The following HAPLN1 variants were observed in gnomAD, a reference collection of about 807,000 sequenced individuals.
HAPLN1 encodes Cartilage link protein.
Under a neutral mutation model 36.5 loss-of-function variants are expected in HAPLN1, and 13 were observed. The observed-to-expected ratio is 0.36, with a 90% CI of 0.23 to 0.57. HAPLN1 has a LOEUF of 0.57. Among genes scored for constraint, HAPLN1 ranks in the 20% least tolerant of loss-of-function variants. The pLI is 0.83. For missense variants in HAPLN1, 407 were observed against 439.7 expected (o/e 0.93, Z 0.66); for synonymous variants, 202 against 169.8 (o/e 1.19, Z -1.48).
intron 2 of HAPLN1, among the ~76,000 whole-genome samples, chr5:83,661,120 G>A (rs1286842061): frequency 6.6e-6 from 1 of 152,098 alleles, no homozygotes; most frequent in Non-Finnish European, 1.5e-5. Context: ...CAAGACAGGA[G>A]TGCATTTCAG....
intron 2 of HAPLN1, among the ~76,000 whole-genome samples, chr5:83,656,369 G>T (rs1750214304): frequency 6.7e-6 from 1 of 148,392 alleles, no homozygotes; most frequent in African/African-American, 2.5e-5. Context: ...TGATTAGCAG[G>T]CTGTGGCATA....
At chr5:83,669,696 A>T (rs1750651631) in intron 2 of HAPLN1, among the ~76,000 whole-genome samples, 1 of 152,158 alleles carries the variant, frequency 6.6e-6, no homozygotes, top group African/African-American at 2.4e-5. Flanking sequence ...TTTTCTATTT[A>T]AAAATCAATT....
intron 3 of HAPLN1, among the ~76,000 whole-genome samples, chr5:83,646,152 G>A (rs1029752184): frequency 5.9e-5 from 9 of 152,210 alleles, no homozygotes; most frequent in Non-Finnish European, 1.2e-4. Flanking sequence ...ACATAAGAAA[G>A]CAAAGTTGCA....
At chr5:83,718,414 G>T (rs1003726535) in intron 1 of HAPLN1, among the ~76,000 whole-genome samples, 4 of 152,132 alleles carry the variant, frequency 2.6e-5, no homozygotes, top group African/African-American at 9.7e-5. Flanking sequence ...CAGGGACCAT[G>T]CTTCACACAG....
chr5:83,690,510 A>C (rs1053297381), intron 1 of HAPLN1, among the ~76,000 whole-genome samples: 2 of 152,088 alleles, frequency 1.3e-5, no homozygotes, highest in Non-Finnish European at 2.9e-5. Context: ...ATATGTTGGA[A>C]TCTAGAATAA....
intron 1 of HAPLN1, among the ~76,000 whole-genome samples, chr5:83,689,698 T>A (rs941016872): frequency 1.3e-5 from 2 of 152,148 alleles, no homozygotes; most frequent in African/African-American, 4.8e-5. Context: ...GAGATTTTTT[T>A]ATTTACTACA....
At chr5:83,660,619 C>CT (rs61526485) in intron 2 of HAPLN1, among the ~76,000 whole-genome samples, 2,299 of 152,054 alleles carry the variant, frequency 0.015, 69 homozygotes, top group African/African-American at 0.053. Flanking sequence ...TTTTCTTAAT[C>CT]TTTTTTTTCT....
intron 1 of HAPLN1, among the ~76,000 whole-genome samples, chr5:83,708,603 T>C (rs557788596): frequency 2.2e-4 from 34 of 152,258 alleles, no homozygotes; most frequent in Non-Finnish European, 4.6e-4. Context: ...AAAAAGTAAC[T>C]ATTAGGTACT....
At chr5:83,708,068 G>A (rs939777237) in intron 1 of HAPLN1, among the ~76,000 whole-genome samples, 11 of 152,234 alleles carry the variant, frequency 7.2e-5, no homozygotes, top group African/African-American at 2.7e-4. Context: ...AATAACAGAT[G>A]CTGGTGTGGT....
rs181148944 is a variant in HAPLN1, at chr5:83,638,739, A to G, written c.*2757T>C. ...GAGAAAGTTTAAATTTACAAACGCC[A>G]TATTTGGCTAAAAATTACTGTGACA... On this transcript the variant is annotated 3_prime_UTR_variant, in exon 5 of 5. Transcript: ENST00000274341. The G allele has an allele frequency of 2.0e-5, 3 of 152,228 alleles. No individual in the cohort carries two copies. Among genetic ancestry groups the G allele is most frequent in the Non-Finnish European group, 4.4e-5 (3 of 67,928 alleles). 9.4% of individuals were successfully genotyped at this position (152,228 alleles called of 1,614,324 possible).
chr5:83,642,777 G>C (rs190458653), intron 4 of HAPLN1, among the ~76,000 whole-genome samples: 1 of 152,246 alleles, frequency 6.6e-6, no homozygotes, highest in East Asian at 1.9e-4. Flanking sequence ...AAGGGTAGTG[G>C]CCACTGGAAT....
chr5:83,696,313 A>G (rs1245518749), intron 1 of HAPLN1, among the ~76,000 whole-genome samples: 1 of 152,182 alleles, frequency 6.6e-6, no homozygotes, highest in Non-Finnish European at 1.5e-5. Flanking sequence ...AATATTATTA[A>G]GAGATTCAGT....
At chr5:83,705,273 C>G (rs1709841255) in intron 1 of HAPLN1, among the ~76,000 whole-genome samples, 1 of 151,472 alleles carries the variant, frequency 6.6e-6, no homozygotes, top group South Asian at 2.1e-4. Flanking sequence ...ACCTGTAATC[C>G]CAGCTACTCA....
At position 83,641,763 on chromosome 5, in the gene HAPLN1, G is replaced by A. The variant is rs1042711973; in HGVS notation, c.798C>T (p.His266=). Residue 266 remains histidine (H), a synonymous_variant, in exon 5 of 5, where the codon CAC becomes CAT. Coordinates refer to ENST00000274341, the MANE Select transcript of HAPLN1 (RefSeq NM_001884.4). ...NFNGRFYYLI[H]PTKLTYDEAV... Reference sequence around the variant, plus strand: ...CTTCATCATAGGTCAGTTTGGTGGGGTGGATCAGATAGTAAAAACGGCCTG... The same window carrying A: ...CTTCATCATAGGTCAGTTTGGTGGGATGGATCAGATAGTAAAAACGGCCTG... 3 of 1,613,876 alleles carry A rather than the reference G, an allele frequency of 1.9e-6. No individual in the cohort carries two copies. The highest frequency in any genetic ancestry group is 2.5e-6 in the Non-Finnish European group (3 of 1,179,906).
At chr5:83,685,670 C>G (rs909327507) in intron 1 of HAPLN1, among the ~76,000 whole-genome samples, 1 of 152,082 alleles carries the variant, frequency 6.6e-6, no homozygotes, top group African/African-American at 2.4e-5. Flanking sequence ...CTTGAGTTTT[C>G]GTGAGTGTTC....
In HAPLN1 at chr5:83,700,126, G is replaced by A. The variant is rs147655263; in HGVS notation, c.-27+20663C>T. Among the ~76,000 whole-genome samples, 585 of 151,060 alleles carry A rather than the reference G, an allele frequency of 3.9e-3. 3 individuals are homozygous for A. Among genetic ancestry groups the A allele is most frequent in the African/African-American group, 0.013 (516 of 41,056 alleles). On this transcript the variant is annotated intron_variant, in intron 1 of 4. Transcript: ENST00000274341. ...GGAGAATCACTTTAACCCAGGAGGC[G>A]GAGGTTACAGTGAGCTGAGATTGCG...
intron 2 of HAPLN1, among the ~76,000 whole-genome samples, chr5:83,668,906 T>C (rs1029307316): frequency 7.2e-5 from 11 of 151,974 alleles, no homozygotes; most frequent in Non-Finnish European, 5.9e-5. Context: ...GAGAGAGGAG[T>C]GTGCACTTCT....
intron 1 of HAPLN1, among the ~76,000 whole-genome samples, chr5:83,677,709 A>G (rs555288207): frequency 6.6e-6 from 1 of 152,344 alleles, no homozygotes; most frequent in Non-Finnish European, 1.5e-5. Context: ...AATAATGACA[A>G]TGTCTCCCTG....
rs372994870 is a variant in HAPLN1 at position 83,660,956 on chromosome 5, T to G, written c.101-8132A>C. Among the ~76,000 whole-genome samples the G allele has an allele frequency of 1.1e-4, 16 of 152,100 alleles. No individual in the cohort carries two copies. The East Asian group carries it at 2.5e-3, about 24-fold the overall frequency. On this transcript the variant is annotated intron_variant, in intron 2 of 4. Coordinates refer to ENST00000274341, the MANE Select transcript of HAPLN1 (RefSeq NM_001884.4). Reference sequence around the variant, plus strand: ...AGACTCTTACTAGCAAATATTTACATGTCTAAAATGTGCCTGGTGTACAAA... The same window carrying G: ...AGACTCTTACTAGCAAATATTTACAGGTCTAAAATGTGCCTGGTGTACAAA...
Sources: gnomAD v4.1 joint callset for allele counts (sites outside exome capture counted in the v4.1 genomes callset) on GRCh38, gnomAD v4.1.1 for gene constraint, MANE v1.5 for transcripts, NCBI Gene and HGNC (gene_info 2026-07-23, HGNC 2026-07-21) for gene names.